GPM6A: variants seen among roughly 807,000 people sequenced by gnomAD.
GPM6A encodes the protein neuronal membrane glycoprotein M6-a.
A neutral mutation model predicts 32.1 loss-of-function variants in GPM6A; 7 were observed. The ratio of observed to expected loss-of-function variants is 0.22; its 90% CI spans 0.12 to 0.41. The LOEUF is 0.41. GPM6A is among the 10% of genes least tolerant of loss of function. GPM6A has a pLI of 1.00. For missense variants in GPM6A, 235 were observed against 347.2 expected, an observed-to-expected ratio of 0.68 and a Z score of 2.57; for synonymous variants, 130 against 123.4, an observed-to-expected ratio of 1.05 and a Z score of -0.35.
intron 1 of GPM6A, among the ~76,000 whole-genome samples, chr4:175,974,096 G>A (rs1740587759): frequency 6.6e-6 from 1 of 151,950 alleles, no homozygotes. Flanking sequence ...AGCTGGGCGT[G>A]GTGGCGCACA....
intron 1 of GPM6A, among the ~76,000 whole-genome samples, chr4:175,756,257 C>T (rs2111198782): frequency 6.6e-6 from 1 of 152,028 alleles, no homozygotes; most frequent in African/African-American, 2.4e-5. Flanking sequence ...CTCACACTTG[C>T]ATTTTGGGAA....
intron 1 of GPM6A, among the ~76,000 whole-genome samples, chr4:175,748,004 T>A (rs866400080): frequency 6.6e-6 from 1 of 152,334 alleles, no homozygotes; most frequent in Middle Eastern, 3.4e-3. Context: ...ACTTTTTTCA[T>A]TCATAAGAAG....
At chr4:175,658,997 G>T (rs1360947779) in intron 3 of GPM6A, among the ~76,000 whole-genome samples, 2 of 152,134 alleles carry the variant, frequency 1.3e-5, no homozygotes, top group South Asian at 2.1e-4. Context: ...GGCAGTGAGT[G>T]TAAGGGCTGA....
At chr4:175,904,347 T>G (rs1463097565) in intron 1 of GPM6A, among the ~76,000 whole-genome samples, 1 of 152,182 alleles carries the variant, frequency 6.6e-6, no homozygotes, top group Non-Finnish European at 1.5e-5. Context: ...TGTCAAGCAT[T>G]CTTAGACTTG....
chr4:175,776,664 AC>A (rs1403675270), intron 1 of GPM6A, among the ~76,000 whole-genome samples: 1 of 152,182 alleles, frequency 6.6e-6, no homozygotes, highest in Admixed American at 6.6e-5. Flanking sequence ...TTAGTTTCAT[AC>A]GTTTTTCCTA....
At chr4:175,668,368 G>A (rs1742862203) in intron 3 of GPM6A, among the ~76,000 whole-genome samples, 1 of 151,486 alleles carries the variant, frequency 6.6e-6, no homozygotes, top group African/African-American at 2.4e-5. Context: ...GTTTGAAGGA[G>A]TCTACACCTC....
At chr4:175,741,473 C>T (rs1343638986) in intron 1 of GPM6A, among the ~76,000 whole-genome samples, 1 of 152,104 alleles carries the variant, frequency 6.6e-6, no homozygotes, top group Non-Finnish European at 1.5e-5. Context: ...TAATGGAAGA[C>T]ATCCCAAAAT....
chr4:175,809,401 C>G (rs1469170526), intron 1 of GPM6A, among the ~76,000 whole-genome samples: 2 of 149,352 alleles, frequency 1.3e-5, no homozygotes, highest in African/African-American at 2.5e-5. Context: ...TTTTTCTATA[C>G]TAGAATATCA....
At chr4:175,685,758 G>A (rs1257009369) in intron 2 of GPM6A, among the ~76,000 whole-genome samples, 1 of 152,158 alleles carries the variant, frequency 6.6e-6, no homozygotes, top group African/African-American at 2.4e-5. Context: ...TTTAGTGGGA[G>A]TGTCTCATTG....
intron 1 of GPM6A, among the ~76,000 whole-genome samples, chr4:175,833,841 G>C (rs777264935): frequency 3.3e-5 from 5 of 152,066 alleles, no homozygotes; most frequent in Non-Finnish European, 7.4e-5. Context: ...GTCTGAGAGA[G>C]AAGAGAGCAG....
chr4:175,831,965 C>T (rs1735629934), intron 1 of GPM6A, among the ~76,000 whole-genome samples: 1 of 151,872 alleles, frequency 6.6e-6, no homozygotes, highest in Non-Finnish European at 1.5e-5. Flanking sequence ...GTGATCCACC[C>T]TCCTCGGCTT....
intron 1 of GPM6A, among the ~76,000 whole-genome samples, chr4:175,996,479 C>G (rs1741312328): frequency 6.6e-6 from 1 of 152,122 alleles, no homozygotes; most frequent in African/African-American, 2.4e-5. Context: ...TGCTAATTGA[C>G]CTACATTCCA....
chr4:175,793,675 C>A (rs1248399669), intron 1 of GPM6A, among the ~76,000 whole-genome samples: 1 of 152,110 alleles, frequency 6.6e-6, no homozygotes, highest in Non-Finnish European at 1.5e-5. Flanking sequence ...TGTACCCGGC[C>A]AAGATCCATG....
Position 175,895,122 on chromosome 4 carries a change from C to A in GPM6A, c.-22-82873G>T, listed in dbSNP as rs556626643. Among the ~76,000 whole-genome samples, 8 of 152,180 alleles carry A rather than the reference C, an allele frequency of 5.3e-5. No homozygotes were observed. The East Asian group carries it at 1.5e-3, about 29-fold the overall frequency. On this transcript the variant is annotated intron_variant, in intron 1 of 7. Coordinates refer to the GPM6A transcript ENST00000280187. ...CAAACTCAAATACTTAAAGGCAAAA[C>A]AAAATCTTCTTTGATCTTTAGAATG... is the stretch of plus-strand genomic sequence containing the variant.
intron 3 of GPM6A, among the ~76,000 whole-genome samples, chr4:175,669,689 A>C (rs1479121235): frequency 6.6e-6 from 1 of 152,180 alleles, no homozygotes; most frequent in Non-Finnish European, 1.5e-5. Flanking sequence ...GACTGTTATG[A>C]GTTGAATTGT....
intron 1 of GPM6A, among the ~76,000 whole-genome samples, chr4:175,725,855 T>C (rs1746376173): frequency 6.6e-6 from 1 of 152,072 alleles, no homozygotes; most frequent in African/African-American, 2.4e-5. Context: ...TTCATTGGAG[T>C]AGATGCAAAC....
chr4:175,765,086 C>T (rs186946903), intron 1 of GPM6A, among the ~76,000 whole-genome samples: 1 of 152,044 alleles, frequency 6.6e-6, no homozygotes, highest in South Asian at 2.1e-4. Flanking sequence ...GTTGGCCAGG[C>T]TGGTCTCGAA....
chr4:175,740,956 A>G (rs1040365590), intron 1 of GPM6A, among the ~76,000 whole-genome samples: 6 of 152,046 alleles, frequency 3.9e-5, no homozygotes, highest in African/African-American at 1.4e-4. Flanking sequence ...TCTGGTGTTC[A>G]GAAATGCATG....
intron 2 of GPM6A, among the ~76,000 whole-genome samples, chr4:175,694,907 A>C (rs1184951016): frequency 6.6e-6 from 1 of 152,180 alleles, no homozygotes; most frequent in Admixed American, 6.5e-5. Context: ...CCTGAGGTCC[A>C]TGCTACTCTG....
Sources: gnomAD v4.1 joint callset for allele counts (sites outside exome capture counted in the v4.1 genomes callset) on GRCh38, gnomAD v4.1.1 for gene constraint, MANE v1.5 for transcripts, NCBI Gene and HGNC (gene_info 2026-07-23, HGNC 2026-07-21) for gene names.